The following TRAPPC13 variants were observed in gnomAD, a reference collection of about 807,000 sequenced individuals.
The protein encoded by TRAPPC13 is REV7-interacting novel NHEJ regulator 1.
TRAPPC13 carries 39 observed loss-of-function variants against 54.0 expected under a neutral mutation model. The observed-to-expected ratio is 0.72, with a 90% CI of 0.56 to 0.94. The LOEUF (loss-of-function observed/expected upper bound fraction) is 0.94. Ranked by LOEUF, TRAPPC13 falls within the 40% of genes least tolerant of loss-of-function variation. The pLI is 0.00. For synonymous variants in TRAPPC13, 148 were observed against 167.7 expected (o/e 0.88, Z 0.91); for missense variants, 386 against 488.1 (o/e 0.79, Z 1.97).
At chr5:65,650,031 T>C (rs1412919103) in intron 5 of TRAPPC13, among the ~76,000 whole-genome samples, 2 of 151,164 alleles carry the variant, frequency 1.3e-5, no homozygotes, top group Non-Finnish European at 2.9e-5. Flanking sequence ...TGATTTTTTG[T>C]ATTTTTTTAG....
chr5:65,653,125 G>T (rs1163172367), intron 7 of TRAPPC13, among the ~76,000 whole-genome samples: 1 of 34,942 alleles, frequency 2.9e-5, no homozygotes, highest in Non-Finnish European at 7.8e-5. Context: ...AGATAAAATA[G>T]AACTTGCCCA....
intron 1 of TRAPPC13, among the ~76,000 whole-genome samples, chr5:65,632,695 A>G (rs1214293601): frequency 1.3e-5 from 2 of 152,230 alleles, no homozygotes; most frequent in Non-Finnish European, 2.9e-5. Flanking sequence ...CATGAGAATT[A>G]AATGTGTTCA....
At chr5:65,628,658 G>A (rs932228942) in intron 1 of TRAPPC13, among the ~76,000 whole-genome samples, 7 of 151,582 alleles carry the variant, frequency 4.6e-5, no homozygotes, top group Non-Finnish European at 8.8e-5. Flanking sequence ...CTTTAGTAGA[G>A]CCGGAGTTTC....
chr5:65,635,341 A>G lies in TRAPPC13; in HGVS notation c.87A>G (p.Pro29=). ...LTKPTLFTNI[P]VTCEEKDLPG... ...AGCCTACTTTATTCACCAATATCCC[A>G]GTAACATGTGAAGAGAAAGACTTAC... The change falls in exon 2 of 13, where the codon CCA becomes CCG. Residue 29 remains proline (P), a synonymous_variant. Coordinates refer to ENST00000399438, the MANE Select transcript of TRAPPC13 (RefSeq NM_024941.4). 1.2e-6 allele frequency: 2 copies of G among 1,613,572 alleles called. No individual in the cohort carries two copies. Among genetic ancestry groups the G allele is most frequent in the Non-Finnish European group, 1.7e-6 (2 of 1,179,666 alleles).
chr5:65,661,221 A>G (rs915035898), intron 10 of TRAPPC13: 12 of 181,694 alleles, frequency 6.6e-5, no homozygotes, highest in South Asian at 1.5e-4. Context: ...AAGGTTTTCT[A>G]TTTTGCAATG....
At chr5:65,631,399 G>A (rs538150650) in intron 1 of TRAPPC13, among the ~76,000 whole-genome samples, 1 of 152,240 alleles carries the variant, frequency 6.6e-6, no homozygotes, top group Admixed American at 6.5e-5. Context: ...TTAGGTTCAA[G>A]GGGTACATGT....
intron 4 of TRAPPC13, among the ~76,000 whole-genome samples, chr5:65,639,101 A>T (rs955606367): frequency 6.6e-6 from 1 of 152,070 alleles, no homozygotes; most frequent in African/African-American, 2.4e-5. Flanking sequence ...AAAAATAAAA[A>T]TAAAACCATC....
chr5:65,659,593 T>G (rs973061755), intron 9 of TRAPPC13, among the ~76,000 whole-genome samples: 3 of 152,164 alleles, frequency 2.0e-5, no homozygotes, highest in African/African-American at 7.2e-5. Flanking sequence ...GACATAGGAA[T>G]AGATGGTTTA....
At chr5:65,657,273 T>G (rs1327144315) in intron 8 of TRAPPC13, among the ~76,000 whole-genome samples, 1 of 151,954 alleles carries the variant, frequency 6.6e-6, no homozygotes, top group East Asian at 1.9e-4. Context: ...TCCCAGCTAC[T>G]CGGGAGGCTG....
chr5:65,652,339 C>CTTTTTTT (rs11354403), intron 6 of TRAPPC13, among the ~76,000 whole-genome samples, 162 bp from the exon 7 acceptor site: 77 of 116,192 alleles, frequency 6.6e-4, no homozygotes, highest in Middle Eastern at 5.1e-3. Context: ...TTTTTCTTTT[C>CTTTTTTT]TTTTTTTTTT....
chr5:65,641,145 G>A (rs775928389), intron 4 of TRAPPC13, among the ~76,000 whole-genome samples: 10 of 151,950 alleles, frequency 6.6e-5, no homozygotes, highest in Non-Finnish European at 1.5e-4. Flanking sequence ...TGTTGCTCAA[G>A]CAGGTCTTGA....
At chr5:65,637,643 AAAG>A (rs2150669770) in intron 3 of TRAPPC13, 50 bp from the exon 4 acceptor site, 1 of 1,171,122 alleles carries the variant, frequency 8.5e-7, no homozygotes, top group Admixed American at 2.4e-5. Flanking sequence ...AAAAAAAAAA[AAAG>A]AAAAAAAACC....
intron 1 of TRAPPC13, among the ~76,000 whole-genome samples, chr5:65,627,893 C>T (rs1755323933): frequency 6.6e-6 from 1 of 152,104 alleles, no homozygotes. Context: ...GAAATTATTT[C>T]TTCTAACTCT....
intron 8 of TRAPPC13, 181 bp from the exon 9 acceptor site, chr5:65,658,187 T>C: frequency 2.0e-6 from 1 of 511,564 alleles, no homozygotes; most frequent in Non-Finnish European, 3.3e-6. Flanking sequence ...ACTTTGCCCC[T>C]GTTAATTATG....
chr5:65,632,406 A>G (rs967229617), intron 1 of TRAPPC13, among the ~76,000 whole-genome samples: 1 of 152,168 alleles, frequency 6.6e-6, no homozygotes, highest in Admixed American at 6.5e-5. Context: ...CCCCATATTC[A>G]TCTGTAGCTG....
intron 1 of TRAPPC13, among the ~76,000 whole-genome samples, chr5:65,627,447 T>TA (rs1301175248): frequency 6.6e-6 from 1 of 152,046 alleles, no homozygotes; most frequent in Non-Finnish European, 1.5e-5. Flanking sequence ...CTAGCCAACA[T>TA]TATGAAACCC....
chr5:65,635,162 T>C, intron 1 of TRAPPC13, 139 bp from the exon 2 acceptor site: 1 of 733,176 alleles, frequency 1.4e-6, no homozygotes, highest in Non-Finnish European at 2.1e-6. Context: ...CCTTAGGAAG[T>C]ATGTAGTATT....
rs565258021 is a variant in TRAPPC13, at chr5:65,653,911, G to A, written c.546+1366G>A. 1.2e-4 allele frequency among the ~76,000 whole-genome samples: 19 copies of A among 152,220 alleles called. No homozygotes were observed. In the East Asian group the frequency reaches 3.3e-3, roughly 26 times the overall value. The stretch of plus-strand genomic sequence containing the variant: ...CTGTTGATTAATTACAGTATAGCTA[G>A]TCAGCATGGTGAGATTTAAATAGTC... On this transcript the variant is annotated intron_variant, in intron 7 of 12. Transcript: ENST00000399438.
At chr5:65,625,200 A>G (rs1755152562) in intron 1 of TRAPPC13, 94 bp downstream of exon 1, 5 of 1,060,138 alleles carry the variant, frequency 4.7e-6, no homozygotes, top group Middle Eastern at 4.0e-4. Flanking sequence ...CTTCTTAAAC[A>G]CTCAGTGCTC....
Sources: allele counts gnomAD v4.1 joint callset (sites outside exome capture counted in the v4.1 genomes callset), GRCh38; gene constraint gnomAD v4.1.1; transcripts MANE v1.5; gene names NCBI Gene and HGNC (gene_info 2026-07-23, HGNC 2026-07-21).